HHAT: variants seen among roughly 807,000 people sequenced by gnomAD.
HHAT encodes the protein protein-cysteine N-palmitoyltransferase HHAT.
A neutral mutation model predicts 70.8 loss-of-function variants in HHAT; 47 were observed. That is an observed-to-expected ratio of 0.66 (90% CI 0.53 to 0.85). The LOEUF (loss-of-function observed/expected upper bound fraction) is 0.85. Ranked by LOEUF, HHAT falls within the 40% of genes least tolerant of loss-of-function variation. The probability of loss-of-function intolerance (pLI) is 0.00; values close to 1 mark genes in which losing one functional copy is unlikely to be tolerated. For missense variants in HHAT, 609 were observed against 604.8 expected (o/e 1.01, Z -0.07); for synonymous variants, 228 against 247.6 (o/e 0.92, Z 0.74).
intron 9 of HHAT, among the ~76,000 whole-genome samples, chr1:210,569,547 C>T (rs1198816039): frequency 6.6e-6 from 1 of 151,734 alleles, no homozygotes; most frequent in African/African-American, 2.4e-5. Flanking sequence ...AATTTGTCAA[C>T]TTTTAGGATT....
At chr1:210,616,328 A>G (rs1366533610) in intron 10 of HHAT, among the ~76,000 whole-genome samples, 1 of 150,750 alleles carries the variant, frequency 6.6e-6, no homozygotes, top group Non-Finnish European at 1.5e-5. Flanking sequence ...TGACCAGCCA[A>G]CATCTCTCCA....
Position 210,578,070 on chromosome 1 carries a change from T to TA in HHAT, c.1044-9827dup, listed in dbSNP as rs1343416209. ...TGATGAGTTGGAGAAGGATTGGTGT[T>TA]ACTTTTTATTTAAATTTTTGGTAGA... is the stretch of plus-strand genomic sequence containing the variant. On this transcript the variant is annotated intron_variant, in intron 9 of 11. Transcript: ENST00000261458. 2.6e-5 allele frequency among the ~76,000 whole-genome samples: 4 copies of TA among 152,216 alleles called. 1 individual carries two copies. The East Asian group carries it at 7.7e-4, about 29-fold the overall frequency.
intron 9 of HHAT, among the ~76,000 whole-genome samples, chr1:210,522,120 T>C (rs2095167758): frequency 6.6e-6 from 1 of 152,204 alleles, no homozygotes; most frequent in East Asian, 1.9e-4. Context: ...AATAGTGATA[T>C]AAAAAGTGAA....
At chr1:210,422,581 A>G (rs2092935998) in intron 7 of HHAT, among the ~76,000 whole-genome samples, 1 of 152,172 alleles carries the variant, frequency 6.6e-6, no homozygotes, top group African/African-American at 2.4e-5. Context: ...AAACAACAAA[A>G]TTTCATTCTT....
At chr1:210,442,570 G>A (rs1224885274) in intron 7 of HHAT, among the ~76,000 whole-genome samples, 2 of 151,908 alleles carry the variant, frequency 1.3e-5, no homozygotes, top group Non-Finnish European at 2.9e-5. Context: ...GTATCTCATT[G>A]TGGTTTTGAT....
chr1:210,464,269 C>T (rs1382532912), intron 7 of HHAT, among the ~76,000 whole-genome samples: 1 of 152,092 alleles, frequency 6.6e-6, no homozygotes, highest in Non-Finnish European at 1.5e-5. Context: ...TCTGTAAAAG[C>T]ATGACTCCTA....
At chr1:210,381,561 A>G (rs558382366) in intron 3 of HHAT, among the ~76,000 whole-genome samples, 10 of 152,272 alleles carry the variant, frequency 6.6e-5, no homozygotes, top group Non-Finnish European at 1.5e-4. Flanking sequence ...GATTACAGGC[A>G]TGAGCTACTG....
At chr1:210,362,474 C>T (rs1327943572) in intron 2 of HHAT, among the ~76,000 whole-genome samples, 1 of 152,242 alleles carries the variant, frequency 6.6e-6, no homozygotes, top group Non-Finnish European at 1.5e-5. Flanking sequence ...ATCCGCCCGT[C>T]TTGGCCTCCC....
chr1:210,352,392 G>C (rs187186377), intron 2 of HHAT, among the ~76,000 whole-genome samples: 12 of 152,236 alleles, frequency 7.9e-5, no homozygotes, highest in Admixed American at 3.3e-4. Context: ...GAGCCTTCTT[G>C]GTTCCTCATC....
intron 7 of HHAT, among the ~76,000 whole-genome samples, chr1:210,449,740 G>A (rs769977160): frequency 6.6e-6 from 1 of 152,220 alleles, no homozygotes; most frequent in Non-Finnish European, 1.5e-5. Flanking sequence ...TGTGAGTTAT[G>A]TAAGTGCTGA....
chr1:210,392,683 A>G (rs2091533496), intron 4 of HHAT, among the ~76,000 whole-genome samples: 1 of 151,994 alleles, frequency 6.6e-6, no homozygotes, highest in Non-Finnish European at 1.5e-5. Context: ...CGATCCTCCC[A>G]CCTCTGCTTT....
chr1:210,456,952 C>T (rs1455850123), intron 7 of HHAT, among the ~76,000 whole-genome samples: 4 of 152,186 alleles, frequency 2.6e-5, no homozygotes, highest in Admixed American at 6.5e-5. Context: ...GGCAGCTGTT[C>T]CTCAGTTCTG....
At chr1:210,353,397 C>T (rs1037085731) in intron 2 of HHAT, among the ~76,000 whole-genome samples, 1 of 150,178 alleles carries the variant, frequency 6.7e-6, no homozygotes, top group African/African-American at 2.4e-5. Flanking sequence ...ATTGAATTCC[C>T]ATCATGGAAA....
At chr1:210,355,666 C>A (rs1397094666) in intron 2 of HHAT, among the ~76,000 whole-genome samples, 1 of 152,058 alleles carries the variant, frequency 6.6e-6, no homozygotes, top group Non-Finnish European at 1.5e-5. Context: ...TTGTCTCATC[C>A]CCAAATTTCA....
At chr1:210,570,567 C>T (rs1201140612) in intron 9 of HHAT, among the ~76,000 whole-genome samples, 1 of 152,116 alleles carries the variant, frequency 6.6e-6, no homozygotes, top group East Asian at 1.9e-4. Flanking sequence ...AGACAGCGAG[C>T]CACAGACCCA....
At chr1:210,524,308 C>T (rs911483248) in intron 9 of HHAT, among the ~76,000 whole-genome samples, 9 of 152,144 alleles carry the variant, frequency 5.9e-5, no homozygotes, top group African/African-American at 2.2e-4. Flanking sequence ...CACTGTCATT[C>T]CCTTGATGTG....
chr1:210,415,372 A>C (rs1406248440), intron 6 of HHAT, among the ~76,000 whole-genome samples: 3 of 152,158 alleles, frequency 2.0e-5, no homozygotes, highest in Admixed American at 2.0e-4. Context: ...TAAGGATTCA[A>C]ATGAAAACCA....
intron 8 of HHAT, among the ~76,000 whole-genome samples, chr1:210,506,681 T>G (rs2094860195): frequency 6.6e-6 from 1 of 152,160 alleles, no homozygotes; most frequent in Non-Finnish European, 1.5e-5. Context: ...TTTTTATCTG[T>G]GGGTATTTAT....
chr1:210,575,015 C>T (rs1166984271), intron 9 of HHAT, among the ~76,000 whole-genome samples: 1 of 152,136 alleles, frequency 6.6e-6, no homozygotes, highest in African/African-American at 2.4e-5. Context: ...CCATAGTTCA[C>T]ATGCTGATTA....
Sources: allele counts gnomAD v4.1 joint callset (sites outside exome capture counted in the v4.1 genomes callset), GRCh38; gene constraint gnomAD v4.1.1; transcripts MANE v1.5; gene names NCBI Gene and HGNC (gene_info 2026-07-23, HGNC 2026-07-21).